GABRB2: variants seen among roughly 807,000 people sequenced by gnomAD.
GABRB2 encodes gamma-aminobutyric acid type A receptor subunit beta2.
In GABRB2, 16 loss-of-function variants were observed where a neutral mutation model predicts 54.7. That is an observed-to-expected ratio of 0.29 (90% CI 0.20 to 0.44). The LOEUF (loss-of-function observed/expected upper bound fraction) is 0.44, where lower values mean the gene tolerates loss of function less well. Among genes scored for constraint, GABRB2 ranks in the 20% least tolerant of loss-of-function variants. The pLI is 1.00. For synonymous variants in GABRB2, 244 were observed against 233.8 expected (o/e 1.04, Z -0.40); for missense variants, 355 against 644.0 (o/e 0.55, Z 4.86).
At chr5:161,401,392 C>T (rs1409393626) in intron 5 of GABRB2, among the ~76,000 whole-genome samples, 3 of 152,028 alleles carry the variant, frequency 2.0e-5, no homozygotes, top group East Asian at 3.8e-4. Context: ...AACAGGAATG[C>T]GTAGAATATT....
chr5:161,444,340 C>T (rs1416343601), intron 4 of GABRB2, among the ~76,000 whole-genome samples: 1 of 152,130 alleles, frequency 6.6e-6, no homozygotes, highest in Admixed American at 6.6e-5. Flanking sequence ...TAAAAGAGAA[C>T]ATCCCTTTGA....
Position 161,307,130 on chromosome 5 carries a change from C to T in GABRB2, c.1192-12702G>A, listed in dbSNP as rs567850962. On this transcript the variant is annotated intron_variant, in intron 9 of 9. Transcript: ENST00000393959. ...GAGAGGAGGATGATCCTTCTTCCTC[C>T]TTCCTCACCACTACACAGCTCCCAT... 7.9e-5 allele frequency among the ~76,000 whole-genome samples: 12 copies of T among 152,256 alleles called. No individual in the cohort carries two copies. The East Asian group carries it at 2.3e-3, about 29-fold the overall frequency.
intron 9 of GABRB2, among the ~76,000 whole-genome samples, chr5:161,301,921 C>T (rs973951226): frequency 3.3e-5 from 5 of 152,216 alleles, no homozygotes; most frequent in African/African-American, 1.2e-4. Flanking sequence ...CCGATGCCAA[C>T]AAAGAAGTCT....
intron 3 of GABRB2, among the ~76,000 whole-genome samples, chr5:161,467,756 G>T (rs1321828604): frequency 6.6e-6 from 1 of 151,902 alleles, no homozygotes; most frequent in Non-Finnish European, 1.5e-5. Flanking sequence ...ATTATTACCT[G>T]AATAATATCA....
chr5:161,499,147 T>A (rs1759352252), intron 3 of GABRB2, among the ~76,000 whole-genome samples: 1 of 152,150 alleles, frequency 6.6e-6, no homozygotes, highest in Non-Finnish European at 1.5e-5. Flanking sequence ...TCACTTGTCT[T>A]GTCTCATTCC....
chr5:161,389,950 GATA>G (rs928886291), intron 5 of GABRB2, among the ~76,000 whole-genome samples: 3 of 151,956 alleles, frequency 2.0e-5, no homozygotes, highest in South Asian at 2.1e-4. Flanking sequence ...ATAAAATAAA[GATA>G]ATAATAATGA....
chr5:161,461,318 G>T (rs1476474236), intron 3 of GABRB2, among the ~76,000 whole-genome samples: 1 of 152,160 alleles, frequency 6.6e-6, no homozygotes, highest in Non-Finnish European at 1.5e-5. Context: ...TTACGGACAA[G>T]TAGGCTGGGC....
chr5:161,366,185 C>G (rs13183101), intron 5 of GABRB2, among the ~76,000 whole-genome samples: 2 of 151,558 alleles, frequency 1.3e-5, no homozygotes, highest in Non-Finnish European at 2.9e-5. Context: ...TAAACCACTG[C>G]GAAAGAAAAT....
intron 5 of GABRB2, among the ~76,000 whole-genome samples, chr5:161,356,352 G>A (rs1338429718): frequency 2.0e-5 from 3 of 151,942 alleles, no homozygotes; most frequent in South Asian, 4.2e-4. Context: ...CTAGAAATAC[G>A]GCACATTAAA....
intron 3 of GABRB2, among the ~76,000 whole-genome samples, chr5:161,525,779 C>A (rs1472591316): frequency 6.6e-6 from 1 of 151,226 alleles, no homozygotes; most frequent in African/African-American, 2.4e-5. Context: ...CCTTATATCC[C>A]ATCCAACTAA....
chr5:161,532,962 C>CAT (rs1436224406), intron 3 of GABRB2, among the ~76,000 whole-genome samples: 1 of 152,110 alleles, frequency 6.6e-6, no homozygotes, highest in African/African-American at 2.4e-5. Context: ...GTGGCTTATT[C>CAT]ATGTATTGCT....
chr5:161,326,681 A>T (rs973965279), intron 8 of GABRB2, among the ~76,000 whole-genome samples, 200 bp from the exon 9 acceptor site: 7 of 152,180 alleles, frequency 4.6e-5, no homozygotes, highest in Non-Finnish European at 8.8e-5. Context: ...AGCAGTAGAA[A>T]TAAATTGATT....
At chr5:161,429,354 A>AAAAAAAAAAAAAAAAAAAG in intron 4 of GABRB2, among the ~76,000 whole-genome samples, 4 of 148,964 alleles carry the variant, frequency 2.7e-5, no homozygotes, top group African/African-American at 7.4e-5. Flanking sequence ...TCAAAAAAAA[A>AAAAAAAAAAAAAAAAAAAG]AAAAGAAAAA....
intron 3 of GABRB2, among the ~76,000 whole-genome samples, chr5:161,496,712 T>C (rs1422817375): frequency 6.6e-6 from 1 of 152,114 alleles, no homozygotes; most frequent in African/African-American, 2.4e-5. Flanking sequence ...TTCGACATCA[T>C]AATTTTAACA....
intron 3 of GABRB2, among the ~76,000 whole-genome samples, chr5:161,507,400 G>A (rs749391049): frequency 1.3e-5 from 2 of 151,990 alleles, no homozygotes; most frequent in Non-Finnish European, 2.9e-5. Flanking sequence ...TAACATCAGA[G>A]GAAGCTAAGT....
intron 4 of GABRB2, among the ~76,000 whole-genome samples, chr5:161,428,640 G>A (rs552369630): frequency 6.6e-6 from 1 of 152,262 alleles, no homozygotes; most frequent in South Asian, 2.1e-4. Flanking sequence ...TAATACACCT[G>A]AATGACAATA....
At chr5:161,398,910 G>A (rs529673663) in intron 5 of GABRB2, among the ~76,000 whole-genome samples, 17 of 152,070 alleles carry the variant, frequency 1.1e-4, no homozygotes, top group African/African-American at 2.4e-4. Flanking sequence ...GGATGGTATC[G>A]ATCTCTTCAC....
At chr5:161,344,735 A>G (rs183313512) in intron 5 of GABRB2, among the ~76,000 whole-genome samples, 3 of 152,226 alleles carry the variant, frequency 2.0e-5, no homozygotes, top group Admixed American at 2.0e-4. Flanking sequence ...CTATAAAGAC[A>G]CATGTACGCA....
intron 4 of GABRB2, among the ~76,000 whole-genome samples, chr5:161,415,469 T>C (rs1170931310): frequency 3.3e-5 from 5 of 152,164 alleles, no homozygotes; most frequent in Admixed American, 3.3e-4. Flanking sequence ...GCCTAAACAG[T>C]CACTCAAGGC....
Sources: allele counts gnomAD v4.1 joint callset (sites outside exome capture counted in the v4.1 genomes callset), GRCh38; gene constraint gnomAD v4.1.1; transcripts MANE v1.5; gene names NCBI Gene and HGNC (gene_info 2026-07-23, HGNC 2026-07-21).